Variants in SCAI observed in about 807,000 individuals in gnomAD.
SCAI encodes suppressor of cancer cell invasion, also known as protein SCAI.
Under a neutral mutation model 92.2 loss-of-function variants are expected in SCAI, and 24 were observed. That is an observed-to-expected ratio of 0.26 (90% CI 0.19 to 0.37). The LOEUF is 0.37. Ranked by LOEUF, SCAI falls within the 10% of genes least tolerant of loss-of-function variation. The probability of loss-of-function intolerance (pLI) is 1.00; values close to 1 mark genes in which losing one functional copy is unlikely to be tolerated. For synonymous variants in SCAI, 261 were observed against 258.6 expected, an observed-to-expected ratio of 1.01 and a Z score of -0.09; for missense variants, 450 against 736.2, an observed-to-expected ratio of 0.61 and a Z score of 4.50.
chr9:125,024,209 TAA>T (rs1191114715), intron 6 of SCAI, among the ~76,000 whole-genome samples: 122 of 152,002 alleles, frequency 8.0e-4, no homozygotes, highest in Middle Eastern at 6.8e-3. Flanking sequence ...AACGTCAACA[TAA>T]GTGGTGACAG....
Position 125,109,067 on chromosome 9 carries a change from G to A in SCAI, c.98+33566C>T, listed in dbSNP as rs1401646645. On this transcript the variant is annotated intron_variant, in intron 2 of 17. Coordinates refer to ENST00000336505, the MANE Select transcript of SCAI (RefSeq NM_001144877.3). ...TGATCTATCACCTTACCCCCAACCC[G>A]CTGCTCTCTGAAACATGTGCTGTGT... Among the ~76,000 whole-genome samples, 6 of 152,026 alleles carry A rather than the reference G, an allele frequency of 3.9e-5. No homozygotes were observed. The East Asian group carries it at 5.8e-4, about 15-fold the overall frequency.
intron 9 of SCAI, among the ~76,000 whole-genome samples, chr9:125,007,443 A>G (rs1832534266): frequency 6.6e-6 from 1 of 152,060 alleles, no homozygotes; most frequent in Admixed American, 6.5e-5. Context: ...TAATCCCAAC[A>G]TTTGGGAGGC....
At chr9:125,061,815 T>C (rs1833773343) in intron 2 of SCAI, among the ~76,000 whole-genome samples, 1 of 151,482 alleles carries the variant, frequency 6.6e-6, no homozygotes, top group South Asian at 2.1e-4. Context: ...ATATATGGAA[T>C]TCATCACCAG....
chr9:125,046,703 TTA>T (rs1564392298), intron 3 of SCAI, among the ~76,000 whole-genome samples: 6 of 124,568 alleles, frequency 4.8e-5, no homozygotes, highest in Admixed American at 8.4e-5. Context: ...CTACTGAAAT[TTA>T]AAAAAAAAAA....
chr9:124,963,119 T>C (rs1038969681), intron 17 of SCAI, among the ~76,000 whole-genome samples: 8 of 148,534 alleles, frequency 5.4e-5, no homozygotes, highest in Non-Finnish European at 1.0e-4. Context: ...ATTCTTACAA[T>C]ACAGTTAGCT....
intron 2 of SCAI, among the ~76,000 whole-genome samples, chr9:125,069,617 CTTTTT>C (rs919064250): frequency 1.1e-5 from 1 of 91,042 alleles, no homozygotes; most frequent in Admixed American, 1.3e-4. Context: ...TGCACCCGGT[CTTTTT>C]TTTTTTTTTT....
chr9:125,050,913 G>C (rs1490489067), intron 3 of SCAI, among the ~76,000 whole-genome samples: 1 of 151,996 alleles, frequency 6.6e-6, no homozygotes, highest in African/African-American at 2.4e-5. Context: ...CAATACGGCT[G>C]CTATACTGGA....
At chr9:125,060,262 G>GA (rs34193153) in intron 2 of SCAI, among the ~76,000 whole-genome samples, 8,240 of 89,354 alleles carry the variant, frequency 0.092, 382 homozygotes, top group East Asian at 0.29. Flanking sequence ...GGCTTAGTAT[G>GA]AAAAAAAAAA....
chr9:124,966,532 T>C (rs936183024), intron 17 of SCAI, among the ~76,000 whole-genome samples: 1 of 152,212 alleles, frequency 6.6e-6, no homozygotes, highest in African/African-American at 2.4e-5. Context: ...TAATCATTCA[T>C]AATAGATTTG....
chr9:125,041,288 G>GGA (rs1418048030), intron 3 of SCAI, among the ~76,000 whole-genome samples: 4 of 152,132 alleles, frequency 2.6e-5, no homozygotes, highest in African/African-American at 9.7e-5. Context: ...TCTCTAATGA[G>GGA]AGGTTACATC....
chr9:125,013,077 A>G (rs376296045), intron 9 of SCAI, among the ~76,000 whole-genome samples: 15 of 152,092 alleles, frequency 9.9e-5, no homozygotes, highest in East Asian at 7.7e-4. Context: ...AGAGAAAGCA[A>G]GAAAGATCCA....
chr9:125,071,271 T>C (rs950235802), intron 2 of SCAI, among the ~76,000 whole-genome samples: 2 of 152,184 alleles, frequency 1.3e-5, no homozygotes, highest in Non-Finnish European at 2.9e-5. Context: ...TGGTGTTGTG[T>C]GCCTATAGTT....
intron 17 of SCAI, among the ~76,000 whole-genome samples, chr9:124,964,600 C>T (rs1208211586): frequency 1.3e-5 from 2 of 152,128 alleles, no homozygotes; most frequent in South Asian, 4.1e-4. Flanking sequence ...CTTAAAGGTC[C>T]TTAGGACCCC....
intron 14 of SCAI, among the ~76,000 whole-genome samples, chr9:124,989,478 C>T (rs1180139341): frequency 3.3e-5 from 5 of 151,528 alleles, no homozygotes; most frequent in East Asian, 3.9e-4. Context: ...CTACTCAGGA[C>T]GTTGAGAGAG....
intron 17 of SCAI, among the ~76,000 whole-genome samples, chr9:124,960,020 G>C (rs566515812): frequency 6.6e-6 from 1 of 152,104 alleles, no homozygotes; most frequent in Non-Finnish European, 1.5e-5. Context: ...CTTTATAGCA[G>C]CATGATTTAT....
At chr9:125,036,642 T>C (rs1196719442) in intron 3 of SCAI, among the ~76,000 whole-genome samples, 1 of 152,242 alleles carries the variant, frequency 6.6e-6, no homozygotes, top group African/African-American at 2.4e-5. Context: ...TTTGAATTGG[T>C]AATTTATATA....
chr9:125,093,556 G>A (rs1439583489), intron 2 of SCAI, among the ~76,000 whole-genome samples: 1 of 150,326 alleles, frequency 6.7e-6, no homozygotes, highest in Admixed American at 6.6e-5. Context: ...ACTGGACACT[G>A]ATGACACCTC....
chr9:125,134,435 A>T (rs1207194605), intron 2 of SCAI, among the ~76,000 whole-genome samples: 6 of 152,218 alleles, frequency 3.9e-5, no homozygotes, highest in Non-Finnish European at 8.8e-5. Flanking sequence ...TTCTTAAACA[A>T]ATTACATACA....
rs760634972 is a variant in SCAI, at chr9:124,994,926, G to A, written c.1326+8C>T. On this transcript the variant is annotated splice_region_variant and intron_variant, in intron 14 of 17. Transcript: ENST00000336505. ...GTCTACCTGTGCAATAGCTCTCATG[G>A]AACTCACCTTATACGCAACACTATT... 6.2e-7 allele frequency: 1 copy of A among 1,604,764 alleles called. No individual in the cohort carries two copies. Among genetic ancestry groups the A allele is most frequent in the South Asian group, 1.1e-5 (1 of 90,096 alleles).
Sources: gnomAD v4.1 joint callset for allele counts (sites outside exome capture counted in the v4.1 genomes callset) on GRCh38, gnomAD v4.1.1 for gene constraint, MANE v1.5 for transcripts, NCBI Gene and HGNC (gene_info 2026-07-23, HGNC 2026-07-21) for gene names.